The following TANC1 variants were observed in gnomAD, a reference collection of about 807,000 sequenced individuals.
TANC1 encodes the protein protein TANC1.
TANC1 carries 77 observed loss-of-function variants against 149.7 expected under a neutral mutation model. That is an observed-to-expected ratio of 0.51 (90% confidence interval 0.43 to 0.62). The LOEUF is 0.62. TANC1 is among the 20% of genes least tolerant of loss of function. The probability of loss-of-function intolerance (pLI) is 0.00; values close to 1 mark genes in which losing one functional copy is unlikely to be tolerated. For synonymous variants in TANC1, 854 were observed against 925.0 expected (o/e 0.92, Z 1.39); for missense variants, 1,985 against 2,321.8 (o/e 0.85, Z 2.98).
intron 2 of TANC1, among the ~76,000 whole-genome samples, chr2:159,007,112 G>T (rs556260706): frequency 6.7e-6 from 1 of 149,370 alleles, no homozygotes; most frequent in South Asian, 2.1e-4. Flanking sequence ...CCCTATACAG[G>T]TGTACTGTTT....
intron 1 of TANC1, among the ~76,000 whole-genome samples, chr2:158,999,236 T>C (rs892103080): frequency 1.3e-5 from 2 of 152,168 alleles, no homozygotes; most frequent in Non-Finnish European, 2.9e-5. Context: ...CGAGGTACCA[T>C]CTGCAGCTCC....
At chr2:159,172,064 A>G in intron 10 of TANC1, 57 bp from the exon 11 acceptor site, 1 of 1,533,478 alleles carries the variant, frequency 6.5e-7, no homozygotes, top group Non-Finnish European at 8.9e-7. Context: ...AAATATATTC[A>G]ATACCACACC....
intron 9 of TANC1, among the ~76,000 whole-genome samples, chr2:159,170,234 T>A (rs1263580370): frequency 6.6e-6 from 1 of 152,222 alleles, no homozygotes; most frequent in East Asian, 1.9e-4. Context: ...TGGCTTTCTC[T>A]AATCCTCTGT....
At chr2:159,063,448 A>G (rs1428066036) in intron 2 of TANC1, among the ~76,000 whole-genome samples, 1 of 152,022 alleles carries the variant, frequency 6.6e-6, no homozygotes, top group Non-Finnish European at 1.5e-5. Flanking sequence ...GACGATTGAA[A>G]CTTCCAGGTG....
At chr2:159,175,266 C>T (rs2055719139) in intron 12 of TANC1, 82 bp downstream of exon 12, 4 of 1,157,678 alleles carry the variant, frequency 3.5e-6, no homozygotes, top group Admixed American at 3.7e-5. Flanking sequence ...AGGTGGTCAG[C>T]CGGGCTGGGG....
intron 16 of TANC1, among the ~76,000 whole-genome samples, chr2:159,189,102 A>C (rs758748475): frequency 1.8e-4 from 28 of 152,220 alleles, no homozygotes; most frequent in Non-Finnish European, 5.9e-5. Context: ...GCTGTCTCTC[A>C]AGTGATGAGA....
intron 16 of TANC1, among the ~76,000 whole-genome samples, chr2:159,189,285 A>C (rs756787096): frequency 1.3e-5 from 2 of 152,104 alleles, no homozygotes; most frequent in South Asian, 4.2e-4. Context: ...GACCTTGAGG[A>C]TGTGATGGTT....
At chr2:159,213,572 A>G (rs2150877932) in intron 19 of TANC1, among the ~76,000 whole-genome samples, 1 of 152,200 alleles carries the variant, frequency 6.6e-6, no homozygotes, top group African/African-American at 2.4e-5. Flanking sequence ...TAACACAAAT[A>G]TGAATGGTAC....
chr2:159,092,379 A>G (rs1017964633), intron 3 of TANC1, among the ~76,000 whole-genome samples: 13 of 152,054 alleles, frequency 8.5e-5, no homozygotes, highest in African/African-American at 2.4e-4. Context: ...GTGATGTTGG[A>G]TGTTGCCATT....
intron 2 of TANC1, among the ~76,000 whole-genome samples, chr2:159,028,343 A>T (rs2039516443): frequency 6.6e-6 from 1 of 152,102 alleles, no homozygotes; most frequent in Non-Finnish European, 1.5e-5. Flanking sequence ...CTGGTCTCGA[A>T]CTTCTGACCT....
At chr2:158,983,421 C>G (rs1284127889) in intron 1 of TANC1, among the ~76,000 whole-genome samples, 1 of 142,720 alleles carries the variant, frequency 7.0e-6, no homozygotes, top group Admixed American at 7.4e-5. Context: ...GAGCCGAGAT[C>G]GCGCCACTGC....
At chr2:159,131,611 T>C (rs2050115625) in intron 4 of TANC1, among the ~76,000 whole-genome samples, 1 of 151,478 alleles carries the variant, frequency 6.6e-6, no homozygotes, top group South Asian at 2.1e-4. Context: ...AGGCTTGGTT[T>C]CTGGCCAGTG....
rs2057691443 is a variant in TANC1 at position 159,194,284 on chromosome 2, G to A, written c.2770G>A (p.Ala924Thr). 6.2e-7 allele frequency: 1 copy of A among 1,614,080 alleles called. No individual in the cohort carries two copies. Among genetic ancestry groups the A allele is most frequent in the Non-Finnish European group, 8.5e-7 (1 of 1,179,924 alleles). The change falls in exon 17 of 27, where the codon GCC (alanine) becomes ACC (threonine). Residue 924 changes from alanine (A) to threonine (T), a missense_variant. Transcript: ENST00000263635. ...KVSRLLILGGANVNYRTEVLN... is the reference protein window; with the variant it reads ...KVSRLLILGGTNVNYRTEVLN... ...GAGCCGTCTCCTGATTTTGGGAGGG[G>A]CCAACGTGAACTACAGGACAGAAGT...
At chr2:159,153,580 G>A (rs936834256) in intron 7 of TANC1, among the ~76,000 whole-genome samples, 1 of 152,216 alleles carries the variant, frequency 6.6e-6, no homozygotes, top group Admixed American at 6.5e-5. Flanking sequence ...CAAGGGACAC[G>A]CTGGAGGTGT....
intron 4 of TANC1, among the ~76,000 whole-genome samples, chr2:159,116,454 C>A (rs1375388378): frequency 0.01 from 1,410 of 140,388 alleles, 26 homozygotes; most frequent in East Asian, 0.09. Context: ...ACAACAACAA[C>A]AAAAAAAAAA....
chr2:158,971,216 C>T (rs2032827408), intron 1 of TANC1, among the ~76,000 whole-genome samples: 1 of 152,136 alleles, frequency 6.6e-6, no homozygotes, highest in African/African-American at 2.4e-5. Flanking sequence ...TCTCTGGGAA[C>T]ATTAAAACCA....
At chr2:159,120,667 A>G (rs1175062540) in intron 4 of TANC1, among the ~76,000 whole-genome samples, 1 of 152,032 alleles carries the variant, frequency 6.6e-6, no homozygotes, top group African/African-American at 2.4e-5. Context: ...TGGTGGCACA[A>G]TGGATCATCA....
intron 4 of TANC1, 143 bp from the exon 5 acceptor site, chr2:159,136,051 C>CGT (rs1450828516): frequency 0.019 from 2,449 of 127,156 alleles, 393 homozygotes; most frequent in African/African-American, 0.026. Flanking sequence ...TGTGTGTGTG[C>CGT]GCGCGCGCGC....
In TANC1 at chr2:159,149,153, G is replaced by C. The variant is rs200703484; in HGVS notation, c.376G>C (p.Asp126His). 1.3e-6 allele frequency: 2 copies of C among 1,594,916 alleles called. No individual in the cohort carries two copies. Among genetic ancestry groups the C allele is most frequent in the Non-Finnish European group, 1.7e-6 (2 of 1,170,526 alleles). The change falls in exon 6 of 27, where the codon GAT becomes CAT. Residue 126 changes from aspartate to histidine, a missense_variant. Physicochemically the swap from Asp to His is moderately conservative, Grantham distance 81 (BLOSUM62 -1). This residue lies in a region of TANC1 where 557 missense variants were observed against 612.9 expected (regional missense o/e 0.91). Coordinates refer to ENST00000263635, the MANE Select transcript of TANC1 (RefSeq NM_033394.3). ...TTTCTTTGTTCCAGAAGCAAAGGCC[G>C]ATAATGAACCGAGCTGTTCGCCGGC... ...TEPDEHEAKA[D>H]NEPSCSPAAQ...
Sources: allele counts gnomAD v4.1 joint callset (sites outside exome capture counted in the v4.1 genomes callset), GRCh38; gene constraint gnomAD v4.1.1; regional missense constraint gnomAD v4.1.1; transcripts MANE v1.5; gene names NCBI Gene and HGNC (gene_info 2026-07-23, HGNC 2026-07-21).